Variants in MACF1 observed in about 807,000 individuals in gnomAD.
MACF1 encodes the protein microtubule-actin cross-linking factor 1.
In MACF1, 193 loss-of-function variants were observed where a neutral mutation model predicts 854.8. The observed-to-expected ratio is 0.23, with a 90% CI of 0.20 to 0.25. The LOEUF (loss-of-function observed/expected upper bound fraction) is 0.25. Among genes scored for constraint, MACF1 ranks in the 10% least tolerant of loss-of-function variants. MACF1 has a pLI of 1.00. For missense variants in MACF1, 7,722 were observed against 8,929.1 expected (o/e 0.86, Z 5.45); for synonymous variants, 3,185 against 3,226.7 (o/e 0.99, Z 0.44).
intron 65 of MACF1, 128 bp downstream of exon 65, chr1:39,430,196 G>A: frequency 9.8e-7 from 1 of 1,015,540 alleles, no homozygotes; most frequent in Non-Finnish European, 1.4e-6. Flanking sequence ...CTCATGGACA[G>A]TAAGATTTGA....
chr1:39,301,582 C>T (rs1176989200), intron 22 of MACF1, among the ~76,000 whole-genome samples: 5 of 148,374 alleles, frequency 3.4e-5, no homozygotes, highest in Non-Finnish European at 6.0e-5. Flanking sequence ...TATGCCATCA[C>T]GCCCAGCTAA....
chr1:39,320,040 T>TA (rs1646484506), intron 31 of MACF1, among the ~76,000 whole-genome samples: 1 of 152,238 alleles, frequency 6.6e-6, no homozygotes, highest in Non-Finnish European at 1.5e-5. Context: ...ATATGCTTCT[T>TA]ACTTGTCTTT....
rs1238448277 is a variant in MACF1, at chr1:39,357,644, A to G, written c.11694A>G (p.Lys3898=). The G allele has an allele frequency of 6.2e-7, 1 of 1,614,222 alleles. No homozygotes were observed. Among genetic ancestry groups the G allele is most frequent in the South Asian group, 1.1e-5 (1 of 91,086 alleles). ...EFESWLERSE[K]ELENMHKGGS... is the part of the protein sequence containing the mutation. Reference sequence around the variant, plus strand: ...AAAGCTGGTTGGAACGATCCGAGAAAGAGCTGGAGAACATGCATAAGGGAG... The same window carrying G: ...AAAGCTGGTTGGAACGATCCGAGAAGGAGCTGGAGAACATGCATAAGGGAG... The change falls in exon 45 of 101, where the codon AAA becomes AAG. Residue 3898 remains lysine, a synonymous_variant. Coordinates refer to ENST00000564288, the MANE Select transcript of MACF1 (RefSeq NM_001394062.1).
intron 69 of MACF1, among the ~76,000 whole-genome samples, chr1:39,435,224 A>G (rs1464385251): frequency 1.3e-5 from 2 of 152,198 alleles, no homozygotes; most frequent in African/African-American, 4.8e-5. Flanking sequence ...ATGTAGAGTA[A>G]AATAGAGTAC....
rs1569617831 is a variant in MACF1 at position 39,347,081 on chromosome 1, G to A, written c.10686G>A (p.Gln3562=). 1 of 1,613,686 alleles carries A rather than the reference G, an allele frequency of 6.2e-7. No individual in the cohort carries two copies. Among genetic ancestry groups the A allele is most frequent in the East Asian group, 2.2e-5 (1 of 44,882 alleles). The stretch of plus-strand genomic sequence containing the variant: ...ATGCCCAGGACTTGTCCCCTCAGCA[G>A]AATCGACAGATGCTGAGGCTTCTGA... ...SEHAQDLSPQ[Q]NRQMLRLLNE... The change falls in exon 41 of 101, where the codon CAG becomes CAA. Residue 3562 remains glutamine (Q), a synonymous_variant. Transcript: ENST00000564288.
intron 95 of MACF1, chr1:39,467,783 G>C (rs1644700445): frequency 6.6e-6 from 1 of 152,064 alleles, no homozygotes; most frequent in Non-Finnish European, 1.5e-5. Flanking sequence ...AAATACTTCG[G>C]GTTAATTCCT....
Position 39,453,795 on chromosome 1 carries a change from A to C in MACF1, c.20831A>C (p.Asp6944Ala). ...GTCATCCTGGCTGTCTGCCACCCCG[A>C]TTGCATCACAACCATCAAACACTGG... ...GEVILAVCHP[D>A]CITTIKHWIT... The change falls in exon 88 of 101, where the codon GAT (aspartate) becomes GCT (alanine). Residue 6944 changes from aspartate (D) to alanine (A), a missense_variant. Physicochemically the swap from Asp to Ala is moderately radical, Grantham distance 126. This residue lies in a region of MACF1 where 729 missense variants were observed against 900.5 expected (regional missense o/e 0.81). Coordinates refer to ENST00000564288, the MANE Select transcript of MACF1 (RefSeq NM_001394062.1). 1 of 1,614,182 alleles carries C rather than the reference A, an allele frequency of 6.2e-7. No individual in the cohort carries two copies. Among genetic ancestry groups the C allele is most frequent in the Non-Finnish European group, 8.5e-7 (1 of 1,180,022 alleles).
rs146796155 is a variant in MACF1, at chr1:39,331,929, G to A, written c.5341G>A (p.Gly1781Arg). The A allele has an allele frequency of 6.2e-7, 1 of 1,614,140 alleles. No homozygotes were observed. Among genetic ancestry groups the A allele is most frequent in the Non-Finnish European group, 8.5e-7 (1 of 1,180,022 alleles). Residue 1781 changes from glycine (G) to arginine (R), a missense_variant, in exon 37 of 101, where the codon GGA becomes AGA. This residue lies in a region of MACF1 where 1,531 missense variants were observed against 1,601.6 expected (regional missense o/e 0.96). Coordinates refer to ENST00000564288, the MANE Select transcript of MACF1 (RefSeq NM_001394062.1). ...TGGTGGCATAGTAGATCCAAGAACA[G>A]GACACAGACTTACAGTGGAAGAGGC... ...FAGGIVDPRTGHRLTVEEAVR... is the reference protein window; with the variant it reads ...FAGGIVDPRTRHRLTVEEAVR...
intron 73 of MACF1, 38 bp downstream of exon 73, chr1:39,441,163 A>G: frequency 1.2e-6 from 2 of 1,614,102 alleles, no homozygotes; most frequent in South Asian, 2.2e-5. Flanking sequence ...TTAGAACATT[A>G]GTGGGCCCAG....
chr1:39,405,002 G>A (rs1056393557), intron 58 of MACF1, among the ~76,000 whole-genome samples: 3 of 152,094 alleles, frequency 2.0e-5, no homozygotes, highest in East Asian at 3.9e-4. Flanking sequence ...GTGACCATTA[G>A]TCTAAAAAGA....
intron 2 of MACF1, among the ~76,000 whole-genome samples, chr1:39,124,094 C>CA (rs1217863695): frequency 6.6e-6 from 1 of 150,702 alleles, no homozygotes; most frequent in Non-Finnish European, 1.5e-5. Context: ...CCATGTTGCC[C>CA]AGGCTGGTCT....
At position 39,370,332 on chromosome 1, in the gene MACF1, A is replaced by G. The variant is rs968233816; in HGVS notation, c.13095+146A>G. 1.5e-5 allele frequency: 10 copies of G among 687,550 alleles called. No individual in the cohort carries two copies. In the African/African-American group the frequency reaches 1.8e-4, roughly 12 times the overall value. 42.6% of individuals were successfully genotyped at this position (687,550 alleles called of 1,614,324 possible). A position where few individuals can be genotyped will look rare whatever the true frequency, so the allele number is the denominator to read the frequency against. On this transcript the variant is annotated intron_variant, in intron 51 of 100. Transcript: ENST00000564288. Reference sequence around the variant, plus strand: ...ACAGAAATTCCTACGTTTTCTTCATATGATAACCATCTACCCATACAGTCC... The same window carrying G: ...ACAGAAATTCCTACGTTTTCTTCATGTGATAACCATCTACCCATACAGTCC...
intron 2 of MACF1, among the ~76,000 whole-genome samples, chr1:39,137,097 G>GC (rs944540645): frequency 5.9e-5 from 9 of 151,940 alleles, no homozygotes; most frequent in African/African-American, 2.2e-4. Flanking sequence ...TTGAGACAGA[G>GC]CCCCCTCTGT....
chr1:39,429,779 C>T, intron 64 of MACF1, 48 bp from the exon 65 acceptor site: 4 of 1,581,382 alleles, frequency 2.5e-6, no homozygotes, highest in Non-Finnish European at 3.5e-6. Context: ...AGAGACTCCT[C>T]ATTCCTAGGT....
At position 39,442,845 on chromosome 1, in the gene MACF1, A is replaced by T; in HGVS notation, c.19236A>T (p.Gln6412His). Residue 6412 changes from glutamine to histidine, a missense_variant, in exon 78 of 101, where the codon CAA (glutamine) becomes CAT (histidine). Physicochemically the swap from Gln to His is conservative, Grantham distance 24 (BLOSUM62 0). Coordinates refer to ENST00000564288, the MANE Select transcript of MACF1 (RefSeq NM_001394062.1). ...SLRSRLEAMN[Q>H]CWESVLQKTE... ...GGAGCCGTTTGGAAGCCATGAACCAATGCTGGGAGTCAGTGTTACAGAAAA... is the reference window on the plus strand; with the variant it reads ...GGAGCCGTTTGGAAGCCATGAACCATTGCTGGGAGTCAGTGTTACAGAAAA... 1 of 1,614,090 alleles carries T rather than the reference A, an allele frequency of 6.2e-7. No homozygotes were observed. Among genetic ancestry groups the T allele is most frequent in the Non-Finnish European group, 8.5e-7 (1 of 1,179,966 alleles).
At chr1:39,218,225 A>T (rs985134492) in intron 1 of MACF1, among the ~76,000 whole-genome samples, 33 of 149,018 alleles carry the variant, frequency 2.2e-4, no homozygotes, top group Admixed American at 2.1e-3. Context: ...TGATTTTGAG[A>T]TGGCTGGTTT....
intron 22 of MACF1, among the ~76,000 whole-genome samples, chr1:39,300,631 G>A (rs899990641): frequency 6.6e-6 from 1 of 152,070 alleles, no homozygotes; most frequent in African/African-American, 2.4e-5. Flanking sequence ...TGTAGCACTT[G>A]GGAGATATCC....
At chr1:39,181,361 T>C (rs1182023194) in intron 2 of MACF1, among the ~76,000 whole-genome samples, 1 of 152,244 alleles carries the variant, frequency 6.6e-6, no homozygotes, top group African/African-American at 2.4e-5. Context: ...CCTTTTACTT[T>C]ATACGTTCAT....
intron 78 of MACF1, 45 bp downstream of exon 78, chr1:39,442,956 CAGAA>C: frequency 6.4e-7 from 1 of 1,562,168 alleles, no homozygotes; most frequent in Non-Finnish European, 8.7e-7. Flanking sequence ...ATACAGATAA[CAGAA>C]AGCCTATCTA....
Sources: allele counts gnomAD v4.1 joint callset (sites outside exome capture counted in the v4.1 genomes callset), GRCh38; gene constraint gnomAD v4.1.1; regional missense constraint gnomAD v4.1.1; transcripts MANE v1.5; gene names NCBI Gene and HGNC (gene_info 2026-07-23, HGNC 2026-07-21).